Variants in ORC2 observed in about 807,000 individuals in gnomAD.
The protein encoded by ORC2 is origin recognition complex protein 2 homolog.
ORC2 carries 37 observed loss-of-function variants against 77.7 expected under a neutral mutation model. That is an observed-to-expected ratio of 0.48 (90% CI 0.37 to 0.63). The LOEUF is 0.63. ORC2 is among the 20% of genes least tolerant of loss of function. The pLI, the probability that ORC2 is intolerant of heterozygous loss-of-function variation, is 0.00. For missense variants in ORC2, 557 were observed against 661.9 expected, an observed-to-expected ratio of 0.84 and a Z score of 1.74; for synonymous variants, 201 against 229.5, an observed-to-expected ratio of 0.88 and a Z score of 1.12.
intron 5 of ORC2, among the ~76,000 whole-genome samples, chr2:200,945,388 T>C (rs1007170706): frequency 6.6e-6 from 1 of 152,086 alleles, no homozygotes; most frequent in Non-Finnish European, 1.5e-5. Context: ...AAACCCTGTC[T>C]CTACAAAAGA....
At chr2:200,935,106 C>G (rs1263910232) in intron 9 of ORC2, among the ~76,000 whole-genome samples, 1 of 152,100 alleles carries the variant, frequency 6.6e-6, no homozygotes, top group African/African-American at 2.4e-5. Context: ...TTATTCTAAT[C>G]CCATAGCTTA....
At position 200,938,176 on chromosome 2, in the gene ORC2, G is replaced by C. The variant is rs16836033; in HGVS notation, c.454-210C>G. Among the ~76,000 whole-genome samples the C allele has an allele frequency of 2.4e-3, 364 of 152,164 alleles. 1 individual carries two copies. Among genetic ancestry groups the C allele is most frequent in the African/African-American group, 8.1e-3 (335 of 41,538 alleles). On this transcript the variant is annotated intron_variant, in intron 7 of 17. Coordinates refer to ENST00000234296, the MANE Select transcript of ORC2 (RefSeq NM_006190.5). ...CCCAAGTAGCTGTGATTATAGGCAC[G>C]TGCCACCACACCCAGCTAATTTTTG...
rs1226115139 is a variant in ORC2, at chr2:200,925,896, T to C, written c.1087A>G (p.Met363Val). ...TCCAGTATACTGCGGAAAGTACCCATATGATCGAGGACTTCTTCTGTTATA... is the reference window on the plus strand; with the variant it reads ...TCCAGTATACTGCGGAAAGTACCCACATGATCGAGGACTTCTTCTGTTATA... ...NSITEEVLDH[M>V]GTFRSILDQL... The change falls in exon 13 of 18, where the codon ATG becomes GTG. Residue 363 changes from methionine (M) to valine (V), a missense_variant. Transcript: ENST00000234296. 1.3e-6 allele frequency: 2 copies of C among 1,598,492 alleles called. No homozygotes were observed. The highest frequency in any genetic ancestry group is 1.7e-6 in the Non-Finnish European group (2 of 1,167,986).
intron 1 of ORC2, among the ~76,000 whole-genome samples, chr2:200,959,737 C>G (rs1189463844): frequency 6.6e-6 from 1 of 152,140 alleles, no homozygotes; most frequent in Non-Finnish European, 1.5e-5. Context: ...TTAATCTGCA[C>G]AACTCTATGA....
intron 5 of ORC2, chr2:200,943,170 CAG>C (rs1469011245): frequency 2.6e-5 from 4 of 154,554 alleles, no homozygotes; most frequent in Admixed American, 6.5e-5. Flanking sequence ...GAAAACTGTG[CAG>C]AGTTAAAATT....
chr2:200,912,368 G>A (rs1461929002), intron 17 of ORC2, among the ~76,000 whole-genome samples: 2 of 152,116 alleles, frequency 1.3e-5, no homozygotes, highest in Non-Finnish European at 2.9e-5. Flanking sequence ...AACTGATTAA[G>A]ATCATGAACT....
chr2:200,951,231 T>C (rs2041350481), intron 4 of ORC2, among the ~76,000 whole-genome samples: 1 of 152,224 alleles, frequency 6.6e-6, no homozygotes, highest in Non-Finnish European at 1.5e-5. Flanking sequence ...GAATACTCCA[T>C]GGTCAGGATG....
chr2:200,941,317 C>A, intron 6 of ORC2, 38 bp from the exon 7 acceptor site: 1 of 1,585,794 alleles, frequency 6.3e-7, no homozygotes, highest in Non-Finnish European at 8.6e-7. Context: ...TTACTACGGA[C>A]ACTTCACTTT....
At chr2:200,950,272 G>A (rs919618154) in intron 4 of ORC2, among the ~76,000 whole-genome samples, 9 of 152,054 alleles carry the variant, frequency 5.9e-5, no homozygotes, top group Non-Finnish European at 1.3e-4. Flanking sequence ...CAGAGGTTGC[G>A]GTGAGCAGAG....
intron 17 of ORC2, among the ~76,000 whole-genome samples, chr2:200,912,612 G>GGGTC (rs1399976248): frequency 6.6e-6 from 1 of 151,794 alleles, no homozygotes; most frequent in African/African-American, 2.4e-5. Context: ...TTCATAGACA[G>GGGTC]GGTCTCCTGT....
chr2:200,935,881 G>A lies in ORC2; in HGVS notation c.526C>T (p.His176Tyr). The A allele has an allele frequency of 6.2e-7, 1 of 1,613,022 alleles. No individual in the cohort carries two copies. Among genetic ancestry groups the A allele is most frequent in the Non-Finnish European group, 8.5e-7 (1 of 1,179,678 alleles). ...LRKRLIVPRS[H>Y]SDSESEYSAS... ...GAATATTCGCTTTCACTGTCAGAATGAGACCTTGGAACTGTGGGGGGAAAA... is the reference window on the plus strand; with the variant it reads ...GAATATTCGCTTTCACTGTCAGAATAAGACCTTGGAACTGTGGGGGGAAAA... The change falls in exon 9 of 18, where the codon CAT (histidine) becomes TAT (tyrosine). Residue 176 changes from histidine to tyrosine, a missense_variant. Transcript: ENST00000234296.
chr2:200,942,700 G>C lies in ORC2; in HGVS notation c.406C>G (p.Pro136Ala). ...AATGTCTTACCCTTGCTACTTTGAG[G>C]AACGTTTATCGTAATCTCAGGATCA... ...KNDPEITINV[P>A]QSSKGHSASD... is the part of the protein sequence containing the mutation. The change falls in exon 6 of 18, where the codon CCT (proline) becomes GCT (alanine). Residue 136 changes from proline (P) to alanine (A), a missense_variant. Physicochemically the swap from Pro to Ala is conservative, Grantham distance 27. Coordinates refer to ENST00000234296, the MANE Select transcript of ORC2 (RefSeq NM_006190.5). 1 of 1,600,614 alleles carries C rather than the reference G, an allele frequency of 6.2e-7. No homozygotes were observed. Among genetic ancestry groups the C allele is most frequent in the Non-Finnish European group, 8.5e-7 (1 of 1,171,306 alleles).
chr2:200,927,434 C>A (rs1021058780), intron 11 of ORC2, among the ~76,000 whole-genome samples: 2 of 151,242 alleles, frequency 1.3e-5, no homozygotes, highest in Non-Finnish European at 2.9e-5. Context: ...GTGGCTCACG[C>A]CTGTAATCCC....
chr2:200,962,897 A>T (rs747858644), intron 1 of ORC2, among the ~76,000 whole-genome samples: 2 of 152,200 alleles, frequency 1.3e-5, no homozygotes, highest in Non-Finnish European at 2.9e-5. Context: ...AGCTCTACCA[A>T]AAGAGCCTGG....
chr2:200,927,952 T>A (rs1004988017), intron 11 of ORC2, among the ~76,000 whole-genome samples: 1 of 151,660 alleles, frequency 6.6e-6, no homozygotes, highest in Non-Finnish European at 1.5e-5. Flanking sequence ...CCTCTCAAAG[T>A]GCTGGGATTA....
chr2:200,913,424 C>A lies in ORC2; in HGVS notation c.1529-11G>T. 6.3e-7 allele frequency: 1 copy of A among 1,576,252 alleles called. No individual in the cohort carries two copies. Among genetic ancestry groups the A allele is most frequent in the South Asian group, 1.1e-5 (1 of 89,932 alleles). On this transcript the variant is annotated splice_polypyrimidine_tract_variant and intron_variant, in intron 16 of 17. Transcript: ENST00000234296. ...CTTGAAAAGAAAGGCCTGGCAAGTT[C>A]AAAAGGATATGAACATAAGTCAGCA...
intron 15 of ORC2, among the ~76,000 whole-genome samples, chr2:200,915,471 GA>G (rs2040631154): frequency 6.6e-6 from 1 of 152,032 alleles, no homozygotes; most frequent in Non-Finnish European, 1.5e-5. Flanking sequence ...ACTGGATACA[GA>G]AAAAATAACT....
At chr2:200,945,627 T>C (rs1052296072) in intron 5 of ORC2, among the ~76,000 whole-genome samples, 5 of 152,230 alleles carry the variant, frequency 3.3e-5, no homozygotes, top group Admixed American at 6.5e-5. Flanking sequence ...TTTTGTATCT[T>C]TATATTCATT....
At chr2:200,911,534 A>G in intron 17 of ORC2, 147 bp from the exon 18 acceptor site, 1 of 532,540 alleles carries the variant, frequency 1.9e-6, no homozygotes, top group South Asian at 2.7e-5. Flanking sequence ...GCACACAGTC[A>G]TATATACTTA....
Sources: gnomAD v4.1 joint callset for allele counts (sites outside exome capture counted in the v4.1 genomes callset) on GRCh38, gnomAD v4.1.1 for gene constraint, MANE v1.5 for transcripts, NCBI Gene and HGNC (gene_info 2026-07-23, HGNC 2026-07-21) for gene names.